ADAM7: variants seen among roughly 807,000 people sequenced by gnomAD.
ADAM7 encodes the protein disintegrin and metalloproteinase domain-containing protein 7.
In ADAM7, 97 loss-of-function variants were observed where a neutral mutation model predicts 102.9. That is an observed-to-expected ratio of 0.94 (90% CI 0.80 to 1.12). The LOEUF (loss-of-function observed/expected upper bound fraction) is 1.12, where lower values mean the gene tolerates loss of function less well. Among genes scored for constraint, ADAM7 ranks in the 50% most tolerant of loss-of-function variants. ADAM7 has a pLI of 0.00. For missense variants in ADAM7, 991 were observed against 908.7 expected (o/e 1.09, Z -1.16); for synonymous variants, 334 against 304.4 (o/e 1.10, Z -1.01).
At chr8:24,492,737 C>G in intron 15 of ADAM7, 140 bp downstream of exon 15, 1 of 623,318 alleles carries the variant, frequency 1.6e-6, no homozygotes, top group Admixed American at 3.3e-5. Flanking sequence ...TCTTGGTGTC[C>G]TGATTAAAAT....
chr8:24,481,971 C>T (rs906659798), intron 8 of ADAM7, among the ~76,000 whole-genome samples, 171 bp from the exon 9 acceptor site: 2 of 152,066 alleles, frequency 1.3e-5, no homozygotes, highest in Admixed American at 1.3e-4. Context: ...CTGGGCAATG[C>T]ATTCTGTCCC....
intron 7 of ADAM7, among the ~76,000 whole-genome samples, chr8:24,471,398 C>T (rs914464480): frequency 2.0e-5 from 3 of 151,780 alleles, no homozygotes; most frequent in Non-Finnish European, 4.4e-5. Flanking sequence ...CATTCTTTGA[C>T]TCGTCCAGAG....
At chr8:24,495,468 G>A (rs1492405) in intron 16 of ADAM7, among the ~76,000 whole-genome samples, 5,444 of 152,124 alleles carry the variant, frequency 0.036, 334 homozygotes, top group African/African-American at 0.12. Flanking sequence ...GAGCCAAATG[G>A]AAATTTTAGA....
chr8:24,469,878 T>C (rs146804667), intron 7 of ADAM7, among the ~76,000 whole-genome samples: 11 of 152,110 alleles, frequency 7.2e-5, no homozygotes, highest in African/African-American at 2.2e-4. Context: ...ATTAGTGAAC[T>C]AGAGAATGGA....
intron 2 of ADAM7, among the ~76,000 whole-genome samples, chr8:24,446,665 T>C (rs912536844): frequency 5.3e-5 from 8 of 151,854 alleles, no homozygotes; most frequent in Non-Finnish European, 1.2e-4. Context: ...TGATTTATCA[T>C]TGAGTGCAAA....
chr8:24,447,143 A>C (rs2129373069), intron 2 of ADAM7, 43 bp from the exon 3 acceptor site: 1 of 1,194,574 alleles, frequency 8.4e-7, no homozygotes, highest in Non-Finnish European at 1.2e-6. Context: ...GAACACACTA[A>C]ATGAGCCCAT....
At chr8:24,495,938 C>G (rs1206592867) in intron 16 of ADAM7, among the ~76,000 whole-genome samples, 3 of 152,164 alleles carry the variant, frequency 2.0e-5, no homozygotes, top group African/African-American at 7.2e-5. Flanking sequence ...TAATGAGATG[C>G]CAAATGTTAA....
At chr8:24,466,133 C>A (rs575206925) in intron 5 of ADAM7, among the ~76,000 whole-genome samples, 1 of 152,254 alleles carries the variant, frequency 6.6e-6, no homozygotes, top group African/African-American at 2.4e-5. Context: ...AGCCTGAAAC[C>A]CAGGTCTTTT....
At chr8:24,508,273 G>A (rs1173534587) in intron 21 of ADAM7, among the ~76,000 whole-genome samples, 3 of 152,156 alleles carry the variant, frequency 2.0e-5, no homozygotes, top group Non-Finnish European at 4.4e-5. Context: ...GTCCCACAGA[G>A]AGTAGAGAGT....
intron 7 of ADAM7, chr8:24,475,979 T>C (rs762146673): frequency 4.4e-6 from 2 of 456,178 alleles, no homozygotes; most frequent in South Asian, 1.6e-5. Flanking sequence ...CTTCTCCAGC[T>C]CCAGTGGGTT....
intron 2 of ADAM7, among the ~76,000 whole-genome samples, chr8:24,444,674 C>T (rs1174008454): frequency 2.0e-5 from 3 of 150,998 alleles, no homozygotes; most frequent in Non-Finnish European, 4.4e-5. Flanking sequence ...CATAAAGGTC[C>T]AGATCGTAAA....
intron 21 of ADAM7, 115 bp from the exon 22 acceptor site, chr8:24,508,431 G>C: frequency 2.9e-6 from 3 of 1,027,114 alleles, no homozygotes; most frequent in Non-Finnish European, 4.4e-6. Flanking sequence ...ATAAATGTAG[G>C]ACTACAGAAC....
chr8:24,453,872 C>G (rs961601064), intron 3 of ADAM7, among the ~76,000 whole-genome samples: 2 of 152,320 alleles, frequency 1.3e-5, no homozygotes, highest in Non-Finnish European at 2.9e-5. Context: ...TTCTAACAGA[C>G]AGGACCCTCA....
intron 7 of ADAM7, chr8:24,476,051 T>C (rs1819758656): frequency 9.1e-6 from 4 of 439,414 alleles, no homozygotes; most frequent in Non-Finnish European, 1.4e-5. Flanking sequence ...ATAAAGTTGC[T>C]GTTCTTCGCC....
At chr8:24,506,642 C>A (rs1314788513) in intron 20 of ADAM7, among the ~76,000 whole-genome samples, 1 of 151,934 alleles carries the variant, frequency 6.6e-6, no homozygotes, top group Admixed American at 6.6e-5. Flanking sequence ...AGGGCTCTCC[C>A]CTGGAACCCT....
rs763743819 is a variant in ADAM7, at chr8:24,476,516, TAC to T, written c.705+14_705+15del. 5 of 1,598,406 alleles carry T rather than the reference TAC, an allele frequency of 3.1e-6. No individual in the cohort carries two copies. In the East Asian group the frequency reaches 1.1e-4, roughly 36 times the overall value. On this transcript the variant is annotated intron_variant, in intron 8 of 21. Transcript: ENST00000175238. ...ATTTTGTCAACATGGTAAGATTTGATACAGTTTTTGAATCAAGCCAATAATAC... is the reference window on the plus strand; with the variant it reads ...ATTTTGTCAACATGGTAAGATTTGATAGTTTTTGAATCAAGCCAATAATAC...
chr8:24,508,824 T>C lies in ADAM7; in HGVS notation c.*278T>C, dbSNP rs60238672. 3,694 of 1,227,202 alleles carry C rather than the reference T, an allele frequency of 3.0e-3. 85 individuals carry two copies. In the African/African-American group the frequency reaches 0.05, roughly 17 times the overall value. 76.0% of individuals were successfully genotyped at this position (1,227,202 alleles called of 1,614,324 possible). A position where few individuals can be genotyped will look rare whatever the true frequency, so the allele number is the denominator to read the frequency against. ...ACAATATAAAAATTCGTAACCTTGC[T>C]GTAGTATTTTCCTACAAAATGTTAC... On this transcript the variant is annotated 3_prime_UTR_variant, in exon 22 of 22. Coordinates refer to ENST00000175238, the MANE Select transcript of ADAM7 (RefSeq NM_003817.4).
At chr8:24,500,769 C>A (rs1820731906) in intron 18 of ADAM7, 21 bp from the exon 19 acceptor site, 1 of 1,588,776 alleles carries the variant, frequency 6.3e-7, no homozygotes, top group African/African-American at 1.3e-5. Flanking sequence ...TCGATGAAGC[C>A]CATGTTTCTT....
chr8:24,455,070 A>G (rs992598011), intron 3 of ADAM7, among the ~76,000 whole-genome samples: 5 of 152,120 alleles, frequency 3.3e-5, no homozygotes, highest in Admixed American at 6.6e-5. Flanking sequence ...TATATATGCT[A>G]TTTCAAAACA....
Sources: allele counts gnomAD v4.1 joint callset (sites outside exome capture counted in the v4.1 genomes callset), GRCh38; gene constraint gnomAD v4.1.1; transcripts MANE v1.5; gene names NCBI Gene and HGNC (gene_info 2026-07-23, HGNC 2026-07-21).